Variants in PRR12 observed in about 807,000 individuals in gnomAD.
PRR12 encodes the protein proline rich 12.
A neutral mutation model predicts 138.0 loss-of-function variants in PRR12; 12 were observed. The observed-to-expected ratio is 0.09, with a 90% CI of 0.06 to 0.14. PRR12 has a LOEUF of 0.14. Among genes scored for constraint, PRR12 ranks in the 10% least tolerant of loss-of-function variants. The pLI, the probability that PRR12 is intolerant of heterozygous loss-of-function variation, is 1.00. For missense variants in PRR12, 2,692 were observed against 2,861.3 expected (o/e 0.94, Z 1.35); for synonymous variants, 1,567 against 1,291.7 (o/e 1.21, Z -4.57).
intron 6 of PRR12, among the ~76,000 whole-genome samples, chr19:49,612,424 G>C (rs898221987): frequency 6.6e-6 from 1 of 152,026 alleles, no homozygotes; most frequent in Non-Finnish European, 1.5e-5. Flanking sequence ...GGCCCTGTTT[G>C]GGGAACGGGC....
Position 49,624,966 on chromosome 19 carries a change from CAAG to C in PRR12, c.5846_5848del (p.Lys1949del). The C allele has an allele frequency of 6.3e-7, 1 of 1,597,228 alleles. No individual in the cohort carries two copies. The highest frequency in any genetic ancestry group is 8.5e-7 in the Non-Finnish European group (1 of 1,170,424). On this transcript the variant is annotated inframe_deletion, in exon 12 of 14. Transcript: ENST00000418929. ...ACAACCGCAAGACGCTCAGCAAGCTCAAGAGGAGCGTGGTCAGAGCCCAGGTGG... is the reference window on the plus strand; with the variant it reads ...ACAACCGCAAGACGCTCAGCAAGCTCAGGAGCGTGGTCAGAGCCCAGGTGG...
chr19:49,625,508 G>C lies in PRR12; in HGVS notation c.6012G>C (p.Val2004=). 2 of 1,610,998 alleles carry C rather than the reference G, an allele frequency of 1.2e-6. No individual in the cohort carries two copies. The highest frequency in any genetic ancestry group is 1.7e-6 in the Non-Finnish European group (2 of 1,178,780). ...GGAEDLGQEE[V]VQQCMRNQPW... ...CCGAGGACCTGGGCCAGGAGGAGGT[G>C]GTCCAGCAGTGCATGCGGAACCAGC... is the stretch of plus-strand genomic sequence containing the variant. Residue 2004 remains valine (V), a synonymous_variant, in exon 14 of 14, where the codon GTG becomes GTC. Transcript: ENST00000418929. This position sits in a 1 kb window ranked among gnomAD's most constrained non-coding sequence, Gnocchi z 5.5.
chr19:49,622,431 CAAAAT>C (rs556361385), intron 11 of PRR12, among the ~76,000 whole-genome samples: 2 of 150,888 alleles, frequency 1.3e-5, no homozygotes, highest in Non-Finnish European at 3.0e-5. Context: ...CGTCTCTACT[CAAAAT>C]AAAAAATTAG....
Position 49,624,981 on chromosome 19 carries a change from C to T in PRR12, c.5859C>T (p.Val1953=), listed in dbSNP as rs751944088. 1 of 1,599,226 alleles carries T rather than the reference C, an allele frequency of 6.3e-7. No homozygotes were observed. Among genetic ancestry groups the T allele is most frequent in the South Asian group, 1.1e-5 (1 of 88,896 alleles). ...KTLSKLKRSV[V]RAQEFKVELE... ...TCAGCAAGCTCAAGAGGAGCGTGGT[C>T]AGAGCCCAGGTGGGCACTGGGGCTG... Residue 1953 remains valine, a synonymous_variant, in exon 12 of 14, where the codon GTC becomes GTT. Coordinates refer to ENST00000418929, the MANE Select transcript of PRR12 (RefSeq NM_020719.3).
Position 49,599,936 on chromosome 19 carries a change from C to T in PRR12, c.4343C>T (p.Pro1448Leu), listed in dbSNP as rs768446775. Residue 1448 changes from proline (P) to leucine (L), a missense_variant and splice_region_variant, in exon 5 of 14, where the codon CCC (proline) becomes CTC (leucine). Pro to Leu is a moderately conservative substitution (Grantham distance 98). Transcript: ENST00000418929. The surrounding 1 kb of genome is among the most constrained non-coding windows in gnomAD (Gnocchi z 5.0). ...GLPSANSNGTPEPPLLEEKPP... is the reference protein window; with the variant it reads ...GLPSANSNGTLEPPLLEEKPP... ...CCCAGTGCCAACAGCAATGGCACTC[C>T]CGGTGAGCTCTGGGCAGGTGGTCTG... 11 of 1,596,864 alleles carry T rather than the reference C, an allele frequency of 6.9e-6. No homozygotes were observed. In the South Asian group the frequency reaches 7.8e-5, roughly 11 times the overall value.
At position 49,599,176 on chromosome 19, in the gene PRR12, T is replaced by G; in HGVS notation, c.3679-96T>G. 8.5e-7 allele frequency: 1 copy of G among 1,182,038 alleles called. No homozygotes were observed. Among genetic ancestry groups the G allele is most frequent in the Non-Finnish European group, 1.2e-6 (1 of 866,370 alleles). The allele number at this position is 1,182,038 out of a possible 1,614,324, so 73.2% of individuals were successfully genotyped here. A position where few individuals can be genotyped will look rare whatever the true frequency, so the allele number is the denominator to read the frequency against. ...GTTTGAATTCTATAAATTCACAGGC[T>G]GAGCACCTGTAAATTTGGATTTTTG... is the stretch of plus-strand genomic sequence containing the variant. On this transcript the variant is annotated intron_variant, in intron 4 of 13. Coordinates refer to ENST00000418929, the MANE Select transcript of PRR12 (RefSeq NM_020719.3). This position sits in a 1 kb window ranked among gnomAD's most constrained non-coding sequence, Gnocchi z 5.0.
In PRR12 at chr19:49,596,405, G is replaced by C. The variant is rs746090031; in HGVS notation, c.2070G>C (p.Leu690Phe). 4 of 1,607,154 alleles carry C rather than the reference G, an allele frequency of 2.5e-6. No individual in the cohort carries two copies. Among genetic ancestry groups the C allele is most frequent in the Non-Finnish European group, 3.4e-6 (4 of 1,179,142 alleles). ...AGGPPGTPYE[L>F]AKEDPQRYHL... ...GACCACCGGGTACACCCTACGAGTTGGCCAAGGAAGACCCCCAGAGGTACC... is the reference window on the plus strand; with the variant it reads ...GACCACCGGGTACACCCTACGAGTTCGCCAAGGAAGACCCCCAGAGGTACC... Residue 690 changes from leucine (L) to phenylalanine (F), a missense_variant, in exon 4 of 14, where the codon TTG (leucine) becomes TTC (phenylalanine). Coordinates refer to ENST00000418929, the MANE Select transcript of PRR12 (RefSeq NM_020719.3). The surrounding 1 kb of genome is among the most constrained non-coding windows in gnomAD (Gnocchi z 5.6).
rs1322609162 is a variant in PRR12, at chr19:49,597,277, C to A, written c.2942C>A (p.Pro981His). The change falls in exon 4 of 14, where the codon CCC becomes CAC. Residue 981 changes from proline to histidine, a missense_variant. Transcript: ENST00000418929. This position sits in a 1 kb window ranked among gnomAD's most constrained non-coding sequence, Gnocchi z 6.3. ...EGDPKAGAGP[P>H]PGPPAYDPYG... ...GACCCCAAGGCTGGCGCTGGGCCAC[C>A]CCCCGGCCCCCCTGCTTATGATCCC... 2 of 1,564,514 alleles carry A rather than the reference C, an allele frequency of 1.3e-6. No individual in the cohort carries two copies. The highest frequency in any genetic ancestry group is 2.4e-5 in the East Asian group (1 of 42,376).
intron 6 of PRR12, among the ~76,000 whole-genome samples, chr19:49,604,945 T>G (rs1260849365): frequency 8.6e-5 from 13 of 151,980 alleles, no homozygotes; most frequent in African/African-American, 3.1e-4. Context: ...TCTACCTCCC[T>G]GGTTCAAGCA....
intron 6 of PRR12, among the ~76,000 whole-genome samples, chr19:49,606,805 C>G (rs893521461): frequency 1.3e-5 from 2 of 151,872 alleles, no homozygotes; most frequent in African/African-American, 4.8e-5. Context: ...TGCCACCATG[C>G]CTGGCTAATT....
At position 49,610,563 on chromosome 19, in the gene PRR12, G is replaced by C. The variant is rs933469219; in HGVS notation, c.4774-3970G>C. Among the ~76,000 whole-genome samples the C allele has an allele frequency of 1.0e-3, 54 of 52,570 alleles. No individual in the cohort carries two copies. The African/African-American group carries it at 0.016, about 16-fold the overall frequency. The allele number at this position is 52,570 out of a possible 152,430, so 34.5% of individuals were successfully genotyped here. ...CTGTTCCTATTTTTTTTTTTTTTGA[G>C]ATGGAGTCTCGCTCTGTTGCCCAAG... is the stretch of plus-strand genomic sequence containing the variant. On this transcript the variant is annotated intron_variant, in intron 6 of 13. Coordinates refer to ENST00000418929, the MANE Select transcript of PRR12 (RefSeq NM_020719.3).
chr19:49,611,401 C>T (rs895356069), intron 6 of PRR12, among the ~76,000 whole-genome samples: 1 of 151,850 alleles, frequency 6.6e-6, no homozygotes, highest in African/African-American at 2.4e-5. Flanking sequence ...CTTTGGGAGG[C>T]CGAGGCAGGT....
At chr19:49,615,119 AGACAGAGCCCAGAGAGAGAGGGG>A (rs1489755331) in intron 8 of PRR12, 110 bp downstream of exon 8, 10 of 1,473,740 alleles carry the variant, frequency 6.8e-6, no homozygotes, top group Admixed American at 1.9e-5. Context: ...CAGAGAGAGG[AGACAGAGCCCAGAGAGAGAGGGG>A]GACAGAGACC....
Position 49,594,337 on chromosome 19 carries a change from T to C in PRR12, c.200-117T>C. ...TCCATCTTGTTTTTGAATTTGCCCT[T>C]TTCTCTCCCATCCCCTCCTTTTCCT... On this transcript the variant is annotated intron_variant, in intron 2 of 13. Transcript: ENST00000418929. This position sits in a 1 kb window ranked among gnomAD's most constrained non-coding sequence, Gnocchi z 5.6. 6.8e-6 allele frequency: 7 copies of C among 1,024,710 alleles called. No individual in the cohort carries two copies. Among genetic ancestry groups the C allele is most frequent in the South Asian group, 1.7e-5 (1 of 58,766 alleles). The allele number at this position is 1,024,710 out of a possible 1,614,324, so 63.5% of individuals were successfully genotyped here.
chr19:49,622,926 TATAGAGAGAG>T (rs1345480262), intron 11 of PRR12, among the ~76,000 whole-genome samples: 3,544 of 87,438 alleles, frequency 0.041, 84 homozygotes, highest in Middle Eastern at 0.074. Flanking sequence ...TATATATATA[TATAGAGAGAG>T]AGAGAGAGAG....
At chr19:49,623,553 A>C (rs2080936644) in intron 11 of PRR12, among the ~76,000 whole-genome samples, 1 of 151,558 alleles carries the variant, frequency 6.6e-6, no homozygotes, top group Non-Finnish European at 1.5e-5. Context: ...AATGGTGTGA[A>C]CCCGGGAGGC....
At chr19:49,598,764 G>T (rs1171683830) in intron 4 of PRR12, among the ~76,000 whole-genome samples, 1 of 152,198 alleles carries the variant, frequency 6.6e-6, no homozygotes, top group Non-Finnish European at 1.5e-5. Flanking sequence ...CAAGGCTGCA[G>T]GGAGCTATGA....
intron 6 of PRR12, among the ~76,000 whole-genome samples, 181 bp downstream of exon 6, chr19:49,602,099 T>TA (rs1191893861): frequency 1.3e-5 from 2 of 152,164 alleles, no homozygotes; most frequent in Non-Finnish European, 2.9e-5. Flanking sequence ...TCAGAGGTGT[T>TA]ATTTGCGTTT....
chr19:49,612,820 A>C (rs1410620926), intron 6 of PRR12, among the ~76,000 whole-genome samples: 2 of 151,752 alleles, frequency 1.3e-5, no homozygotes, highest in Admixed American at 1.3e-4. Context: ...ACGCACTACC[A>C]CACCTGGCTA....
Sources: allele counts gnomAD v4.1 joint callset (sites outside exome capture counted in the v4.1 genomes callset), GRCh38; gene constraint gnomAD v4.1.1; non-coding constraint Gnocchi (gnomAD v3.1); transcripts MANE v1.5; gene names NCBI Gene and HGNC (gene_info 2026-07-23, HGNC 2026-07-21).